GABRR1: variants seen among roughly 807,000 people sequenced by gnomAD.
GABRR1 encodes the protein gamma-aminobutyric acid type A receptor subunit rho1.
A neutral mutation model predicts 55.5 loss-of-function variants in GABRR1; 59 were observed. The observed-to-expected ratio is 1.06, with a 90% confidence interval of 0.86 to 1.32. The LOEUF is 1.32. GABRR1 is among the 40% of genes most tolerant of loss of function. The pLI is 0.00. For missense variants in GABRR1, 602 were observed against 619.1 expected, an observed-to-expected ratio of 0.97 and a Z score of 0.29; for synonymous variants, 213 against 226.0, an observed-to-expected ratio of 0.94 and a Z score of 0.51.
At chr6:89,214,295 T>C (rs940037203) in intron 1 of GABRR1, among the ~76,000 whole-genome samples, 11 of 26,132 alleles carry the variant, frequency 4.2e-4, no homozygotes, top group Admixed American at 8.1e-4. Context: ...ACTGTAAAAC[T>C]GATAGAGGAA....
At chr6:89,192,521 C>G (rs367691539) in intron 5 of GABRR1, among the ~76,000 whole-genome samples, 1 of 151,944 alleles carries the variant, frequency 6.6e-6, no homozygotes, top group Non-Finnish European at 1.5e-5. Flanking sequence ...TTTCCTTTCT[C>G]CCGCTGTCAT....
At chr6:89,225,768 G>T (rs1249346345) in intron 1 of GABRR1, among the ~76,000 whole-genome samples, 7 of 121,986 alleles carry the variant, frequency 5.7e-5, no homozygotes, top group Admixed American at 4.6e-4. Context: ...ATAGTCATTT[G>T]GGTATATACC....
intron 2 of GABRR1, among the ~76,000 whole-genome samples, chr6:89,201,772 C>A (rs1367940674): frequency 1.0e-5 from 1 of 95,376 alleles, no homozygotes; most frequent in East Asian, 5.2e-4. Flanking sequence ...GAGTGAGACC[C>A]CGTCTCAAAA....
chr6:89,220,248 C>T (rs756253523), upstream of GABRR1, among the ~76,000 whole-genome samples: 3 of 152,166 alleles, frequency 2.0e-5, no homozygotes, highest in African/African-American at 7.2e-5. Context: ...GAGAGCAAAC[C>T]GGAAGGCCTC....
intron 7 of GABRR1, 21 bp from the exon 8 acceptor site, chr6:89,182,078 A>C (rs1167158338): frequency 6.2e-7 from 1 of 1,613,492 alleles, no homozygotes; most frequent in South Asian, 1.1e-5. Context: ...CAGGAATAAA[A>C]GACAGTACAC....
At chr6:89,201,612 T>C (rs1269239350) in intron 2 of GABRR1, among the ~76,000 whole-genome samples, 1 of 152,102 alleles carries the variant, frequency 6.6e-6, no homozygotes, top group Non-Finnish European at 1.5e-5. Flanking sequence ...ACCCCATCTC[T>C]ACAAAAAATA....
At chr6:89,211,674 C>T (rs1772838275) in intron 1 of GABRR1, among the ~76,000 whole-genome samples, 2 of 152,184 alleles carry the variant, frequency 1.3e-5, no homozygotes, top group African/African-American at 2.4e-5. Context: ...TCTGATGGCA[C>T]AGCCTGCATC....
rs550467395 is a variant in GABRR1, at chr6:89,178,599, A to G, written c.*171T>C. On this transcript the variant is annotated 3_prime_UTR_variant, in exon 10 of 10. Transcript: ENST00000454853. ...AATAGATGGTTAATAAGTGCAAATTAAACCAGTAAGTGTCTCGTCAATGTA... is the reference window on the plus strand; with the variant it reads ...AATAGATGGTTAATAAGTGCAAATTGAACCAGTAAGTGTCTCGTCAATGTA... 33 of 620,106 alleles carry G rather than the reference A, an allele frequency of 5.3e-5. No homozygotes were observed. In the Admixed American group the frequency reaches 5.6e-4, roughly 10 times the overall value. The allele number at this position is 620,106 out of a possible 1,614,324, so 38.4% of individuals were successfully genotyped here.
At chr6:89,180,535 A>G (rs1771686697) in intron 8 of GABRR1, 47 bp from the exon 9 acceptor site, 2 of 1,597,186 alleles carry the variant, frequency 1.3e-6, no homozygotes, top group Admixed American at 1.7e-5. Flanking sequence ...TCTTTCACCA[A>G]ACACAGGATG....
intron 5 of GABRR1, among the ~76,000 whole-genome samples, chr6:89,195,078 C>G (rs755486881): frequency 6.6e-6 from 1 of 152,066 alleles, no homozygotes; most frequent in Non-Finnish European, 1.5e-5. Context: ...AAGACTATCT[C>G]CAGGCATATA....
At chr6:89,184,982 C>T (rs1467207289) in intron 7 of GABRR1, among the ~76,000 whole-genome samples, 5 of 150,532 alleles carry the variant, frequency 3.3e-5, no homozygotes, top group Non-Finnish European at 7.4e-5. Flanking sequence ...GACTCCAGGG[C>T]TCAAGGGATC....
At chr6:89,210,623 G>A (rs1163853222) in intron 1 of GABRR1, among the ~76,000 whole-genome samples, 1 of 152,126 alleles carries the variant, frequency 6.6e-6, no homozygotes. Flanking sequence ...CCAAGCCATG[G>A]GCACAGTGCC....
intron 2 of GABRR1, 115 bp downstream of exon 2, chr6:89,203,320 C>G (rs2127801332): frequency 1.0e-6 from 1 of 961,666 alleles, no homozygotes; most frequent in Non-Finnish European, 1.7e-6. Flanking sequence ...GTCCCCCACC[C>G]TCCACTTTCT....
At position 89,187,445 on chromosome 6, in the gene GABRR1, T is replaced by C. The variant is rs117649622; in HGVS notation, c.656-1995A>G. Among the ~76,000 whole-genome samples, 520 of 152,328 alleles carry C rather than the reference T, an allele frequency of 3.4e-3. 3 individuals are homozygous for C. The highest frequency in any genetic ancestry group is 4.2e-3 in the Non-Finnish European group (288 of 68,028). On this transcript the variant is annotated intron_variant, in intron 6 of 9. Transcript: ENST00000454853. ...TATTCTCCCATTCGTGGGTTGCATT[T>C]ACTCTGTTGATAATGTTTTGATGCA... is the stretch of plus-strand genomic sequence containing the variant.
At chr6:89,194,476 A>C (rs193130267) in intron 5 of GABRR1, among the ~76,000 whole-genome samples, 20 of 152,288 alleles carry the variant, frequency 1.3e-4, no homozygotes, top group Non-Finnish European at 8.8e-5. Context: ...CTTCAATGCA[A>C]AGACATAGAT....
At chr6:89,231,004 C>G (rs1237968849) in intron 1 of GABRR1, among the ~76,000 whole-genome samples, 1 of 151,942 alleles carries the variant, frequency 6.6e-6, no homozygotes, top group Non-Finnish European at 1.5e-5. Flanking sequence ...GCGCAATATT[C>G]GGGTGGGAGT....
chr6:89,217,505 A>C, upstream of GABRR1: 3 of 559,978 alleles, frequency 5.4e-6, no homozygotes, highest in Non-Finnish European at 6.1e-6. Context: ...AAACCTATAA[A>C]TCCTCCTACG....
chr6:89,224,963 A>G (rs913574093), intron 1 of GABRR1, among the ~76,000 whole-genome samples: 6 of 152,060 alleles, frequency 3.9e-5, no homozygotes, highest in African/African-American at 9.7e-5. Flanking sequence ...TTGTATTTTT[A>G]GTAGAGATGG....
intron 9 of GABRR1, among the ~76,000 whole-genome samples, chr6:89,179,370 C>G (rs1771647160): frequency 6.6e-6 from 1 of 152,166 alleles, no homozygotes; most frequent in South Asian, 2.1e-4. Flanking sequence ...CAGATGCACA[C>G]CACCATGCCA....
Sources: gnomAD v4.1 joint callset for allele counts (sites outside exome capture counted in the v4.1 genomes callset) on GRCh38, gnomAD v4.1.1 for gene constraint, MANE v1.5 for transcripts, NCBI Gene and HGNC (gene_info 2026-07-23, HGNC 2026-07-21) for gene names.